PAAF1: variants seen among roughly 807,000 people sequenced by gnomAD.
The protein encoded by PAAF1 is proteasomal ATPase associated factor 1.
PAAF1 carries 46 observed loss-of-function variants against 52.8 expected under a neutral mutation model. The observed-to-expected ratio is 0.87, with a 90% confidence interval of 0.69 to 1.11. PAAF1 has a LOEUF of 1.11. Among genes scored for constraint, PAAF1 ranks in the 50% most tolerant of loss-of-function variants. The pLI is 0.00. For synonymous variants in PAAF1, 178 were observed against 172.8 expected (o/e 1.03, Z -0.24); for missense variants, 424 against 477.4 (o/e 0.89, Z 1.04).
intron 9 of PAAF1, among the ~76,000 whole-genome samples, chr11:73,918,035 G>A (rs1437327451): frequency 6.6e-6 from 1 of 152,208 alleles, no homozygotes; most frequent in African/African-American, 2.4e-5. Context: ...AGGTGAGACT[G>A]CTTCTCCAAG....
chr11:73,887,003 C>G (rs1949079824), intron 2 of PAAF1: 6 of 451,268 alleles, frequency 1.3e-5, no homozygotes, highest in South Asian at 9.5e-5. Context: ...TCTGCATACA[C>G]TGGCTCCCCT....
At chr11:73,891,061 A>G (rs1469780035) in intron 3 of PAAF1, 51 bp from the exon 4 acceptor site, 2 of 1,074,076 alleles carry the variant, frequency 1.9e-6, no homozygotes, top group Admixed American at 1.9e-5. Flanking sequence ...TTTAATTATA[A>G]TACATTGGAG....
intron 1 of PAAF1, among the ~76,000 whole-genome samples, chr11:73,878,500 T>C (rs1948808052): frequency 6.6e-6 from 1 of 152,254 alleles, no homozygotes; most frequent in African/African-American, 2.4e-5. Flanking sequence ...GATAAATAAT[T>C]AAATAACCTT....
chr11:73,891,299 G>A lies in PAAF1; in HGVS notation c.282+98G>A, dbSNP rs907569201. ...CTATAAACATATTCATAATTAATATGTCTTTCATTTACTTTGCATTGTAAG... is the reference window on the plus strand; with the variant it reads ...CTATAAACATATTCATAATTAATATATCTTTCATTTACTTTGCATTGTAAG... On this transcript the variant is annotated intron_variant, in intron 4 of 11. Coordinates refer to ENST00000310571, the MANE Select transcript of PAAF1 (RefSeq NM_025155.3). The A allele has an allele frequency of 1.4e-5, 10 of 696,330 alleles. No homozygotes were observed. The African/African-American group carries it at 1.8e-4, about 13-fold the overall frequency. The allele number at this position is 696,330 out of a possible 1,614,324, so 43.1% of individuals were successfully genotyped here. A position where few individuals can be genotyped will look rare whatever the true frequency, so the allele number is the denominator to read the frequency against.
chr11:73,881,610 T>C (rs1481801547), intron 2 of PAAF1, among the ~76,000 whole-genome samples: 2 of 152,064 alleles, frequency 1.3e-5, no homozygotes, highest in African/African-American at 4.8e-5. Flanking sequence ...AAAAAAACAT[T>C]ATCAAGTCTT....
rs1193816789 is a variant in PAAF1 at position 73,909,592 on chromosome 11, C to T, written c.726C>T (p.Pro242=). 2.5e-6 allele frequency: 4 copies of T among 1,613,688 alleles called. No individual in the cohort carries two copies. The South Asian group carries it at 4.4e-5, about 18-fold the overall frequency. The change falls in exon 7 of 12, where the codon CCC becomes CCT. Residue 242 remains proline (P), a splice_region_variant and synonymous_variant. Coordinates refer to ENST00000310571, the MANE Select transcript of PAAF1 (RefSeq NM_025155.3). ...ACCTTGGCTCCCCTGAGCAGATGCC[C>T]AGTAAGTTGATAATGATATGTAGCA... ...SINLGSPEQM[P]SEREVGTEAK... is the part of the protein sequence containing the mutation.
At chr11:73,882,415 G>T (rs1286106098) in intron 2 of PAAF1, among the ~76,000 whole-genome samples, 1 of 150,388 alleles carries the variant, frequency 6.6e-6, no homozygotes, top group East Asian at 1.9e-4. Flanking sequence ...TTGTTTCTGT[G>T]TGTGTTTATT....
intron 10 of PAAF1, among the ~76,000 whole-genome samples, chr11:73,920,579 G>A (rs977552980): frequency 9.2e-5 from 14 of 152,142 alleles, no homozygotes; most frequent in East Asian, 7.7e-4. Context: ...GTGACTGGGC[G>A]TGGTGGCTCA....
chr11:73,913,810 G>T (rs149186632), intron 7 of PAAF1, among the ~76,000 whole-genome samples: 2,221 of 152,224 alleles, frequency 0.015, 30 homozygotes, highest in Non-Finnish European at 0.019. Flanking sequence ...GATCTTTGAG[G>T]TCAGAGACTG....
chr11:73,917,995 C>A (rs755655278), intron 9 of PAAF1, among the ~76,000 whole-genome samples: 1 of 152,044 alleles, frequency 6.6e-6, no homozygotes, highest in Non-Finnish European at 1.5e-5. Flanking sequence ...CTACAGAAAT[C>A]TAAGGAAGCA....
intron 5 of PAAF1, 114 bp from the exon 6 acceptor site, chr11:73,900,156 A>C: frequency 1.0e-5 from 12 of 1,157,418 alleles, no homozygotes; most frequent in Non-Finnish European, 1.4e-5. Context: ...TTTAAAACCC[A>C]GCATGTGGGT....
chr11:73,881,332 G>C (rs1345960593), intron 2 of PAAF1, among the ~76,000 whole-genome samples: 1 of 152,140 alleles, frequency 6.6e-6, no homozygotes, highest in Non-Finnish European at 1.5e-5. Flanking sequence ...TGTCACCTAG[G>C]CTGGAATGCA....
intron 9 of PAAF1, among the ~76,000 whole-genome samples, chr11:73,917,458 A>G (rs931207949): frequency 6.6e-6 from 1 of 152,222 alleles, no homozygotes; most frequent in East Asian, 1.9e-4. Flanking sequence ...GGATTTAACA[A>G]TTTCTACAAT....
rs1050211977 is a variant in PAAF1, at chr11:73,922,798, C to T, written c.1019-1817C>T. On this transcript the variant is annotated intron_variant, in intron 10 of 11. Coordinates refer to ENST00000310571, the MANE Select transcript of PAAF1 (RefSeq NM_025155.3). ...CGCCACTGCACTCCAGCTTGGGTGA[C>T]AGAGCGAGACTCCGTCTCAAAAAAA... is the stretch of plus-strand genomic sequence containing the variant. Among the ~76,000 whole-genome samples, 3 of 127,000 alleles carry T rather than the reference C, an allele frequency of 2.4e-5. No individual in the cohort carries two copies. The East Asian group carries it at 6.7e-4, about 28-fold the overall frequency. The allele number at this position is 127,000 out of a possible 152,430, so 83.3% of individuals were successfully genotyped here. A position where few individuals can be genotyped will look rare whatever the true frequency, so the allele number is the denominator to read the frequency against.
chr11:73,908,277 GTATA>G (rs1364276832), intron 6 of PAAF1, among the ~76,000 whole-genome samples: 8 of 142,736 alleles, frequency 5.6e-5, no homozygotes, highest in Non-Finnish European at 6.0e-5. Context: ...GTATATATGT[GTATA>G]TATGTATATA....
chr11:73,924,177 G>A (rs1049033914), intron 10 of PAAF1, among the ~76,000 whole-genome samples: 47 of 152,310 alleles, frequency 3.1e-4, no homozygotes, highest in African/African-American at 1.1e-3. Context: ...CACATAGGCC[G>A]GGTATGGTGG....
intron 4 of PAAF1, among the ~76,000 whole-genome samples, chr11:73,898,213 AGGGG>A (rs1456668412): frequency 1.6e-5 from 1 of 61,496 alleles, no homozygotes; most frequent in Non-Finnish European, 3.2e-5. Flanking sequence ...GGGGAGGGGA[AGGGG>A]GAGGGAGAGG....
intron 2 of PAAF1, among the ~76,000 whole-genome samples, chr11:73,881,373 A>G (rs1006219552): frequency 2.6e-5 from 4 of 152,160 alleles, no homozygotes; most frequent in Admixed American, 2.0e-4. Flanking sequence ...TGCAACCTCC[A>G]GTCCTAGGTT....
intron 6 of PAAF1, among the ~76,000 whole-genome samples, chr11:73,903,791 TA>T (rs970522499): frequency 3.4e-5 from 5 of 145,480 alleles, no homozygotes; most frequent in Admixed American, 7.0e-5. Context: ...AAAGAAACAT[TA>T]AAAAAAATTG....
Sources: allele counts gnomAD v4.1 joint callset (sites outside exome capture counted in the v4.1 genomes callset), GRCh38; gene constraint gnomAD v4.1.1; transcripts MANE v1.5; gene names NCBI Gene and HGNC (gene_info 2026-07-23, HGNC 2026-07-21).